The following TAFA4 variants were observed in gnomAD, a reference collection of about 807,000 sequenced individuals.
The protein encoded by TAFA4 is TAFA chemokine like family member 4, also known as chemokine-like protein TAFA-4.
In TAFA4, 20 loss-of-function variants were observed where a neutral mutation model predicts 21.1. The ratio of observed to expected loss-of-function variants is 0.95; its 90% CI spans 0.67 to 1.38. The LOEUF (loss-of-function observed/expected upper bound fraction) is 1.38, where lower values mean the gene tolerates loss of function less well. TAFA4 is among the 40% of genes most tolerant of loss of function. The pLI is 0.00. For missense variants in TAFA4, 211 were observed against 180.9 expected (o/e 1.17, Z -0.95); for synonymous variants, 71 against 67.4 (o/e 1.05, Z -0.26).
intron 1 of TAFA4, among the ~76,000 whole-genome samples, chr3:68,898,475 C>G (rs1354737689): frequency 6.6e-6 from 1 of 152,094 alleles, no homozygotes; most frequent in Non-Finnish European, 1.5e-5. Flanking sequence ...AGTGAAAACC[C>G]ATCTCTACTA....
intron 4 of TAFA4, among the ~76,000 whole-genome samples, chr3:68,743,405 G>A (rs939258140): frequency 7.2e-5 from 11 of 151,790 alleles, no homozygotes; most frequent in South Asian, 2.1e-4. Flanking sequence ...ATGAAACCCC[G>A]CCTCTACTAA....
At chr3:68,835,368 T>A (rs1704499021) in intron 3 of TAFA4, among the ~76,000 whole-genome samples, 1 of 152,194 alleles carries the variant, frequency 6.6e-6, no homozygotes, top group Admixed American at 6.5e-5. Flanking sequence ...GCAAAATGTT[T>A]CCGCAGAAAA....
intron 3 of TAFA4, among the ~76,000 whole-genome samples, chr3:68,784,403 T>C (rs756608462): frequency 6.6e-6 from 1 of 152,064 alleles, no homozygotes; most frequent in Non-Finnish European, 1.5e-5. Flanking sequence ...TTGGATGTGT[T>C]TGGAGTTTCT....
chr3:68,774,929 A>G (rs1457619049), intron 3 of TAFA4, among the ~76,000 whole-genome samples: 1 of 152,210 alleles, frequency 6.6e-6, no homozygotes, highest in Non-Finnish European at 1.5e-5. Context: ...TTCTCGGGAT[A>G]TTAAAAAGCT....
intron 3 of TAFA4, among the ~76,000 whole-genome samples, chr3:68,789,616 T>G (rs555236691): frequency 1.3e-5 from 2 of 152,162 alleles, no homozygotes; most frequent in Non-Finnish European, 2.9e-5. Flanking sequence ...TTTTTCCCCA[T>G]AGAATTCATG....
At chr3:68,783,020 A>T (rs1158861865) in intron 3 of TAFA4, among the ~76,000 whole-genome samples, 1 of 152,228 alleles carries the variant, frequency 6.6e-6, no homozygotes, top group African/African-American at 2.4e-5. Flanking sequence ...GATCAATGTA[A>T]CTCACCAATA....
chr3:68,888,513 A>G (rs1036431199), intron 1 of TAFA4, among the ~76,000 whole-genome samples: 2 of 152,100 alleles, frequency 1.3e-5, no homozygotes, highest in Admixed American at 6.6e-5. Flanking sequence ...CCACATTTTC[A>G]AGTATTTGTT....
chr3:68,916,931 T>A (rs1575672203), intron 1 of TAFA4, among the ~76,000 whole-genome samples: 1 of 152,202 alleles, frequency 6.6e-6, no homozygotes, highest in Non-Finnish European at 1.5e-5. Context: ...ATGGCTACCC[T>A]GGTGAAAGAG....
At chr3:68,834,774 C>T (rs1704483982) in intron 3 of TAFA4, among the ~76,000 whole-genome samples, 2 of 152,148 alleles carry the variant, frequency 1.3e-5, no homozygotes, top group Non-Finnish European at 2.9e-5. Flanking sequence ...CAGAATGGCA[C>T]TGGCTCCATT....
intron 3 of TAFA4, among the ~76,000 whole-genome samples, chr3:68,822,614 GAGGAGTGCCACC>G (rs1269223811): frequency 2.6e-5 from 4 of 152,154 alleles, no homozygotes; most frequent in Non-Finnish European, 5.9e-5. Flanking sequence ...CTGGACCACT[GAGGAGTGCCACC>G]ATGCCCAGTT....
chr3:68,774,683 C>T (rs1703019292), intron 3 of TAFA4, among the ~76,000 whole-genome samples: 1 of 152,024 alleles, frequency 6.6e-6, no homozygotes, highest in South Asian at 2.1e-4. Context: ...AAATACACTC[C>T]AGGTGAATCA....
In TAFA4 at chr3:68,780,199, A is replaced by G. The variant is rs551921386; in HGVS notation, c.131-27181T>C. ...CCCCCATTGTATATAGGAAGTAACT[A>G]ACTTGCTTTTGATTTTACAGGCTCA... On this transcript the variant is annotated intron_variant, in intron 3 of 5. Transcript: ENST00000295569. Among the ~76,000 whole-genome samples, 277 of 152,310 alleles carry G rather than the reference A, an allele frequency of 1.8e-3. 1 individual carries two copies. Among genetic ancestry groups the G allele is most frequent in the Non-Finnish European group, 3.1e-3 (212 of 68,018 alleles).
intron 3 of TAFA4, among the ~76,000 whole-genome samples, chr3:68,835,254 C>T (rs888742107): frequency 7.9e-5 from 12 of 152,162 alleles, no homozygotes; most frequent in African/African-American, 2.9e-4. Context: ...AATTCCTTGA[C>T]TCTGTGTTAT....
At chr3:68,864,736 G>A (rs555125705) in intron 3 of TAFA4, among the ~76,000 whole-genome samples, 1 of 152,044 alleles carries the variant, frequency 6.6e-6, no homozygotes, top group Non-Finnish European at 1.5e-5. Flanking sequence ...GGCACATAAT[G>A]GAATACTACT....
chr3:68,851,041 C>T (rs1399646146), intron 3 of TAFA4, among the ~76,000 whole-genome samples: 2 of 151,980 alleles, frequency 1.3e-5, no homozygotes, highest in African/African-American at 2.4e-5. Flanking sequence ...ATATATGTAC[C>T]CATATGTTCA....
intron 3 of TAFA4, among the ~76,000 whole-genome samples, chr3:68,760,534 A>C (rs1310391452): frequency 6.6e-6 from 1 of 152,170 alleles, no homozygotes; most frequent in Non-Finnish European, 1.5e-5. Flanking sequence ...CAGCACTAGA[A>C]AATACACCCT....
At chr3:68,748,461 G>A (rs1051079103) in intron 4 of TAFA4, among the ~76,000 whole-genome samples, 1 of 152,158 alleles carries the variant, frequency 6.6e-6, no homozygotes, top group African/African-American at 2.4e-5. Context: ...TGAAAAAGTG[G>A]GCCGGGTGCG....
intron 3 of TAFA4, among the ~76,000 whole-genome samples, chr3:68,763,103 C>G (rs1575599325): frequency 6.6e-6 from 1 of 152,140 alleles, no homozygotes; most frequent in Admixed American, 6.5e-5. Context: ...TAGCTATTAA[C>G]TGAGAATTTG....
At chr3:68,767,597 A>T (rs1702879734) in intron 3 of TAFA4, among the ~76,000 whole-genome samples, 1 of 152,088 alleles carries the variant, frequency 6.6e-6, no homozygotes, top group Admixed American at 6.6e-5. Context: ...ATATATAAAA[A>T]GAGAGCAGTA....
Sources: allele counts gnomAD v4.1 joint callset (sites outside exome capture counted in the v4.1 genomes callset), GRCh38; gene constraint gnomAD v4.1.1; transcripts MANE v1.5; gene names NCBI Gene and HGNC (gene_info 2026-07-23, HGNC 2026-07-21).